Variants in CSMD2 observed in about 807,000 individuals in gnomAD.
CSMD2 encodes CUB and Sushi multiple domains 2.
Under a neutral mutation model 398.5 loss-of-function variants are expected in CSMD2, and 130 were observed. The ratio of observed to expected loss-of-function variants is 0.33; its 90% confidence interval spans 0.28 to 0.38. The LOEUF (loss-of-function observed/expected upper bound fraction) is 0.38. Among genes scored for constraint, CSMD2 ranks in the 10% least tolerant of loss-of-function variants. The pLI is 1.00. For synonymous variants in CSMD2, 1,828 were observed against 1,908.5 expected (o/e 0.96, Z 1.10); for missense variants, 3,829 against 4,764.9 (o/e 0.80, Z 5.78).
At chr1:33,943,485 G>A (rs954813725) in intron 3 of CSMD2, among the ~76,000 whole-genome samples, 13 of 152,160 alleles carry the variant, frequency 8.5e-5, no homozygotes, top group Non-Finnish European at 1.9e-4. Context: ...AATGTCATTG[G>A]CAATTGGCTG....
chr1:33,950,429 T>C (rs114019451), intron 3 of CSMD2, among the ~76,000 whole-genome samples: 1,441 of 117,752 alleles, frequency 0.012, 25 homozygotes, highest in African/African-American at 0.047. Flanking sequence ...GAGAGGAGAG[T>C]TTGTGTCTAT....
In CSMD2 at chr1:33,519,383, C is replaced by T. The variant is rs1419382413; in HGVS notation, c.*53+82G>A. On this transcript the variant is annotated intron_variant, in intron 70 of 70. Transcript: ENST00000373381. This position sits in a 1 kb window ranked among gnomAD's most constrained non-coding sequence, Gnocchi z 5.6. ...GGGTGTGTCTATGTGGTGTGTGCGA[C>T]TCCGTTGGGTGGAGCCCCTGGCACG... 6.1e-6 allele frequency: 5 copies of T among 816,450 alleles called. No homozygotes were observed. In the East Asian group the frequency reaches 7.5e-5, roughly 12 times the overall value. The allele number at this position is 816,450 out of a possible 1,614,324, so 50.6% of individuals were successfully genotyped here.
chr1:33,996,119 T>C (rs1646717932), intron 3 of CSMD2, among the ~76,000 whole-genome samples: 1 of 152,188 alleles, frequency 6.6e-6, no homozygotes, highest in African/African-American at 2.4e-5. Flanking sequence ...GGGCAAAGGA[T>C]ATGGACAGAA....
At chr1:34,019,330 T>A (rs1274264231) in intron 3 of CSMD2, among the ~76,000 whole-genome samples, 1 of 152,232 alleles carries the variant, frequency 6.6e-6, no homozygotes, top group African/African-American at 2.4e-5. Flanking sequence ...ACCCCAGCAC[T>A]TGAACATTCA....
chr1:33,766,491 T>C (rs567599201), intron 13 of CSMD2, among the ~76,000 whole-genome samples: 5 of 152,204 alleles, frequency 3.3e-5, no homozygotes, highest in Non-Finnish European at 5.9e-5. Flanking sequence ...CATCAATGTT[T>C]TCTCATTGAA....
intron 9 of CSMD2, among the ~76,000 whole-genome samples, chr1:33,818,333 C>T (rs773271711): frequency 3.9e-5 from 6 of 152,184 alleles, no homozygotes; most frequent in Non-Finnish European, 8.8e-5. Flanking sequence ...CTACATGCCA[C>T]GCCCCATTTT....
chr1:33,743,483 T>A lies in CSMD2; in HGVS notation c.1970A>T (p.His657Leu). ...LILARPESRI[H>L]LAFNDIDVEP... ...CACGTCAATGTCGTTGAAGGCCAGGTGGATGCGGCTCTCAGGCCTGGCCAG... is the reference window on the plus strand; with the variant it reads ...CACGTCAATGTCGTTGAAGGCCAGGAGGATGCGGCTCTCAGGCCTGGCCAG... Residue 657 changes from histidine (H) to leucine (L), a missense_variant, in exon 14 of 71, where the codon CAC becomes CTC. Transcript: ENST00000373381. 1 of 1,614,132 alleles carries A rather than the reference T, an allele frequency of 6.2e-7. No individual in the cohort carries two copies. The highest frequency in any genetic ancestry group is 1.3e-5 in the African/African-American group (1 of 75,052).
chr1:34,016,680 A>G (rs1467134625), intron 3 of CSMD2, among the ~76,000 whole-genome samples: 4 of 152,222 alleles, frequency 2.6e-5, no homozygotes, highest in Non-Finnish European at 5.9e-5. Flanking sequence ...TTACAATAGC[A>G]AAGACTTGGA....
At chr1:33,621,434 C>T (rs1467481101) in intron 37 of CSMD2, among the ~76,000 whole-genome samples, 1 of 152,214 alleles carries the variant, frequency 6.6e-6, no homozygotes, top group Non-Finnish European at 1.5e-5. Context: ...GTGTCTACCT[C>T]TCTTTAGTGG....
chr1:34,139,204 A>G (rs1483869204), intron 1 of CSMD2, among the ~76,000 whole-genome samples: 1 of 152,198 alleles, frequency 6.6e-6, no homozygotes, highest in East Asian at 1.9e-4. Context: ...TGATTAATCC[A>G]TTCATAGATT....
intron 13 of CSMD2, among the ~76,000 whole-genome samples, chr1:33,746,120 G>A (rs990982155): frequency 1.3e-5 from 2 of 152,148 alleles, no homozygotes; most frequent in Non-Finnish European, 2.9e-5. Context: ...CTTAGAAGGC[G>A]TTCCTCAAAT....
intron 7 of CSMD2, among the ~76,000 whole-genome samples, chr1:33,821,448 G>GC (rs1464675151): frequency 6.6e-6 from 1 of 152,174 alleles, no homozygotes; most frequent in Non-Finnish European, 1.5e-5. Flanking sequence ...ACACAGCCTG[G>GC]TCGGAGGAGT....
Position 33,559,254 on chromosome 1 carries a change from T to C in CSMD2, c.8554+46A>G, listed in dbSNP as rs1259286678. On this transcript the variant is annotated intron_variant, in intron 54 of 70. Coordinates refer to ENST00000373381, the MANE Select transcript of CSMD2 (RefSeq NM_001281956.2). The surrounding 1 kb of genome is among the most constrained non-coding windows in gnomAD (Gnocchi z 4.0). ...TTTTTCTGAGCTACAGAACCACATA[T>C]AGCAGAGATGGTGGGGACTGGATTG... is the stretch of plus-strand genomic sequence containing the variant. The C allele has an allele frequency of 1.3e-5, 20 of 1,504,568 alleles. No individual in the cohort carries two copies. The highest frequency in any genetic ancestry group is 2.8e-5 in the African/African-American group (2 of 72,502). 93.2% of individuals were successfully genotyped at this position (1,504,568 alleles called of 1,614,324 possible). A position where few individuals can be genotyped will look rare whatever the true frequency, so the allele number is the denominator to read the frequency against.
intron 5 of CSMD2, among the ~76,000 whole-genome samples, chr1:33,847,289 T>C (rs963071473): frequency 2.0e-5 from 3 of 151,872 alleles, no homozygotes; most frequent in African/African-American, 7.3e-5. Context: ...TTCCATCCTT[T>C]TTCTTTTTTC....
At chr1:33,600,146 G>A in intron 44 of CSMD2, 1 of 714,920 alleles carries the variant, frequency 1.4e-6, no homozygotes, top group East Asian at 2.7e-5. Context: ...CTCAAGTGGG[G>A]AAGGGACCTG....
intron 44 of CSMD2, among the ~76,000 whole-genome samples, chr1:33,596,770 G>A (rs1014202783): frequency 1.3e-5 from 2 of 152,164 alleles, no homozygotes; most frequent in African/African-American, 4.8e-5. Flanking sequence ...ATGACATATG[G>A]GGATTATGGG....
intron 13 of CSMD2, among the ~76,000 whole-genome samples, chr1:33,760,746 T>C (rs1193680520): frequency 6.6e-6 from 1 of 152,128 alleles, no homozygotes; most frequent in African/African-American, 2.4e-5. Context: ...AGGGAAGGTA[T>C]ACATTCAATT....
At chr1:33,701,199 C>G (rs1473237664) in intron 22 of CSMD2, among the ~76,000 whole-genome samples, 1 of 152,184 alleles carries the variant, frequency 6.6e-6, no homozygotes, top group African/African-American at 2.4e-5. Flanking sequence ...TCCCTGGGAT[C>G]CAGACACCAG....
chr1:33,954,773 A>G (rs1398208314), intron 3 of CSMD2, among the ~76,000 whole-genome samples: 1 of 152,190 alleles, frequency 6.6e-6, no homozygotes, highest in African/African-American at 2.4e-5. Context: ...CTCATTGAGA[A>G]AGAAAGCAGA....
Sources: allele counts gnomAD v4.1 joint callset (sites outside exome capture counted in the v4.1 genomes callset), GRCh38; gene constraint gnomAD v4.1.1; non-coding constraint Gnocchi (gnomAD v3.1); transcripts MANE v1.5; gene names NCBI Gene and HGNC (gene_info 2026-07-23, HGNC 2026-07-21).